Variants in FAT4 observed in about 807,000 individuals in gnomAD.
The protein encoded by FAT4 is FAT atypical cadherin 4.
A neutral mutation model predicts 303.9 loss-of-function variants in FAT4; 84 were observed. That is an observed-to-expected ratio of 0.28 (90% CI 0.23 to 0.33). FAT4 has a LOEUF of 0.33. FAT4 is among the 10% of genes least tolerant of loss of function. FAT4 has a pLI of 1.00. For missense variants in FAT4, 6,005 were observed against 6,146.8 expected (o/e 0.98, Z 0.77); for synonymous variants, 2,307 against 2,298.8 (o/e 1.00, Z -0.10).
intron 16 of FAT4, 49 bp downstream of exon 16, chr4:125,481,787 G>A: frequency 6.6e-7 from 1 of 1,522,728 alleles, no homozygotes; most frequent in Non-Finnish European, 9.1e-7. Context: ...CGCCTGCCGT[G>A]TAGTGGTTTA....
chr4:125,378,027 A>C (rs1393187940), intron 2 of FAT4, among the ~76,000 whole-genome samples: 1 of 151,736 alleles, frequency 6.6e-6, no homozygotes, highest in East Asian at 1.9e-4. Context: ...AAAATAAGGC[A>C]CAATTACCTT....
intron 16 of FAT4, among the ~76,000 whole-genome samples, chr4:125,484,589 T>C (rs1260342817): frequency 6.6e-6 from 1 of 152,160 alleles, no homozygotes; most frequent in Non-Finnish European, 1.5e-5. Flanking sequence ...ATGACAGGAA[T>C]GCATTTCGAT....
At chr4:125,346,642 A>C (rs893699534) in intron 2 of FAT4, among the ~76,000 whole-genome samples, 9 of 152,010 alleles carry the variant, frequency 5.9e-5, no homozygotes, top group African/African-American at 1.9e-4. Context: ...TTGAGTGAAC[A>C]TTTACAACAC....
intron 2 of FAT4, among the ~76,000 whole-genome samples, chr4:125,397,857 A>G (rs773293855): frequency 6.6e-6 from 1 of 152,140 alleles, no homozygotes; most frequent in Non-Finnish European, 1.5e-5. Flanking sequence ...CAGCATAATT[A>G]TAAAAGATGA....
chr4:125,348,015 C>A (rs533897592), intron 2 of FAT4, among the ~76,000 whole-genome samples: 18 of 151,776 alleles, frequency 1.2e-4, no homozygotes, highest in Non-Finnish European at 2.2e-4. Flanking sequence ...TAGAAAAAAT[C>A]ATAAGGTTTA....
At chr4:125,467,009 C>T (rs1726688781) in intron 11 of FAT4, among the ~76,000 whole-genome samples, 1 of 151,914 alleles carries the variant, frequency 6.6e-6, no homozygotes, top group Admixed American at 6.6e-5. Context: ...GATCTCCTGA[C>T]CTCGTGATCC....
chr4:125,434,368 C>G lies in FAT4; in HGVS notation c.7142C>G (p.Thr2381Arg). 6.2e-7 allele frequency: 1 copy of G among 1,614,020 alleles called. No homozygotes were observed. Among genetic ancestry groups the G allele is most frequent in the Non-Finnish European group, 8.5e-7 (1 of 1,179,948 alleles). The change falls in exon 8 of 18, where the codon ACA becomes AGA. Residue 2381 changes from threonine to arginine, a missense_variant. Coordinates refer to ENST00000394329, the MANE Select transcript of FAT4 (RefSeq NM_001291303.3). ...TTIPEDAPTG[T>R]DVLLVNASDA... ...ATTCCTGAGGATGCACCAACTGGAA[C>G]AGATGTTTTATTGGTAAATGCCTCA... is the stretch of plus-strand genomic sequence containing the variant.
intron 11 of FAT4, among the ~76,000 whole-genome samples, chr4:125,468,239 C>T (rs1726735016): frequency 6.6e-6 from 1 of 152,080 alleles, no homozygotes; most frequent in Non-Finnish European, 1.5e-5. Flanking sequence ...TCCACTAAGC[C>T]TTTCATTTTG....
In FAT4 at chr4:125,450,151, C is replaced by T. The variant is rs146492311; in HGVS notation, c.9141C>T (p.Ser3047=). The T allele has an allele frequency of 4.8e-4, 779 of 1,613,766 alleles. 7 individuals carry two copies. Among genetic ancestry groups the T allele is most frequent in the South Asian group, 3.8e-3 (349 of 91,084 alleles). ...ATACGGGGTGGATTTCAGTAGCATC[C>T]TCCCTGATTTCTGACTTGAACCAAA... ...DNDTGWISVA[S]SLISDLNQNF... Residue 3047 remains serine, a synonymous_variant, in exon 10 of 18, where the codon TCC becomes TCT. Coordinates refer to ENST00000394329, the MANE Select transcript of FAT4 (RefSeq NM_001291303.3).
chr4:125,319,530 C>T lies in FAT4; in HGVS notation c.3119C>T (p.Thr1040Ile). ...EIAYTIAEGNTGDAFGIFPDG... is the reference protein window; with the variant it reads ...EIAYTIAEGNIGDAFGIFPDG... ...GCATACACCATTGCTGAAGGAAATA[C>T]AGGGGATGCTTTTGGCATATTCCCA... The change falls in exon 2 of 18, where the codon ACA (threonine) becomes ATA (isoleucine). Residue 1040 changes from threonine (T) to isoleucine (I), a missense_variant. Transcript: ENST00000394329. The T allele has an allele frequency of 6.2e-7, 1 of 1,614,090 alleles. No homozygotes were observed. Among genetic ancestry groups the T allele is most frequent in the Non-Finnish European group, 8.5e-7 (1 of 1,179,992 alleles).
At chr4:125,404,963 C>T (rs946872611) in intron 3 of FAT4, among the ~76,000 whole-genome samples, 12 of 150,428 alleles carry the variant, frequency 8.0e-5, no homozygotes, top group East Asian at 2.0e-4. Context: ...ATTTCTTATC[C>T]GAAATACTTG....
chr4:125,460,805 A>G (rs1215578939), intron 10 of FAT4, among the ~76,000 whole-genome samples: 1 of 152,108 alleles, frequency 6.6e-6, no homozygotes, highest in African/African-American at 2.4e-5. Context: ...ATACCCAGTA[A>G]TGGGATTGTT....
intron 3 of FAT4, among the ~76,000 whole-genome samples, chr4:125,402,182 A>G (rs1436497928): frequency 2.6e-5 from 4 of 152,022 alleles, no homozygotes; most frequent in African/African-American, 9.7e-5. Context: ...AACTTTAGGA[A>G]TATTATTATT....
chr4:125,458,637 G>T (rs1726376948), intron 10 of FAT4, among the ~76,000 whole-genome samples: 1 of 151,870 alleles, frequency 6.6e-6, no homozygotes, highest in Non-Finnish European at 1.5e-5. Context: ...AATAACGTAT[G>T]TTTCTAAGAA....
At chr4:125,349,468 T>C (rs974865467) in intron 2 of FAT4, among the ~76,000 whole-genome samples, 25 of 151,814 alleles carry the variant, frequency 1.6e-4, no homozygotes, top group African/African-American at 6.0e-4. Flanking sequence ...TAGTTTTTGC[T>C]TTTGTTTACT....
intron 2 of FAT4, among the ~76,000 whole-genome samples, chr4:125,389,586 G>T (rs1354986668): frequency 6.6e-6 from 1 of 152,132 alleles, no homozygotes; most frequent in African/African-American, 2.4e-5. Context: ...CATGCAGGTG[G>T]TAGTGGTCCT....
chr4:125,357,687 G>T (rs1421719431), intron 2 of FAT4, among the ~76,000 whole-genome samples: 1 of 152,138 alleles, frequency 6.6e-6, no homozygotes, highest in East Asian at 1.9e-4. Context: ...GGCTTAGGGA[G>T]TAACAACTAA....
intron 7 of FAT4, among the ~76,000 whole-genome samples, chr4:125,424,831 C>T (rs1384147156): frequency 6.6e-6 from 1 of 152,046 alleles, no homozygotes; most frequent in Non-Finnish European, 1.5e-5. Flanking sequence ...ACGTATTTTA[C>T]CCATTTTGAA....
intron 17 of FAT4, 99 bp from the exon 18 acceptor site, chr4:125,489,802 T>G: frequency 2.1e-6 from 2 of 948,580 alleles, no homozygotes; most frequent in Non-Finnish European, 3.1e-6. Context: ...TATGAGGTGA[T>G]TGTGGAGCTT....
Sources: allele counts gnomAD v4.1 joint callset (sites outside exome capture counted in the v4.1 genomes callset), GRCh38; gene constraint gnomAD v4.1.1; transcripts MANE v1.5; gene names NCBI Gene and HGNC (gene_info 2026-07-23, HGNC 2026-07-21).